GRIA4: variants seen among roughly 807,000 people sequenced by gnomAD.
The protein encoded by GRIA4 is glutamate receptor 4.
A neutral mutation model predicts 104.0 loss-of-function variants in GRIA4; 34 were observed. The ratio of observed to expected loss-of-function variants is 0.33; its 90% CI spans 0.25 to 0.44. The LOEUF (loss-of-function observed/expected upper bound fraction) is 0.44. Ranked by LOEUF, GRIA4 falls within the 20% of genes least tolerant of loss-of-function variation. The probability of loss-of-function intolerance (pLI) is 1.00; values close to 1 mark genes in which losing one functional copy is unlikely to be tolerated. For synonymous variants in GRIA4, 386 were observed against 381.9 expected (o/e 1.01, Z -0.13); for missense variants, 750 against 1,096.5 (o/e 0.68, Z 4.46).
Position 105,885,982 on chromosome 11 carries a change from G to A in GRIA4, c.673-1537G>A, listed in dbSNP as rs146251708. 2.5e-3 allele frequency among the ~76,000 whole-genome samples: 382 copies of A among 152,256 alleles called. 2 individuals carry two copies. The highest frequency in any genetic ancestry group is 8.6e-3 in the African/African-American group (358 of 41,532). ...GGCAATCAGCCCTCATAGTCAGGAA[G>A]TACAACAAATCCTAAACAATATGAA... On this transcript the variant is annotated intron_variant, in intron 5 of 16. Coordinates refer to ENST00000282499, the MANE Select transcript of GRIA4 (RefSeq NM_000829.4).
intron 3 of GRIA4, among the ~76,000 whole-genome samples, chr11:105,738,468 C>T (rs539427148): frequency 1.3e-5 from 2 of 152,232 alleles, no homozygotes; most frequent in South Asian, 2.1e-4. Flanking sequence ...GTGGTAAACA[C>T]ATACATTAAA....
chr11:105,643,904 A>G (rs1378212122), intron 3 of GRIA4, among the ~76,000 whole-genome samples: 1 of 152,124 alleles, frequency 6.6e-6, no homozygotes, highest in Non-Finnish European at 1.5e-5. Flanking sequence ...GTTTTAGTAG[A>G]GACAGGGTTT....
chr11:105,629,889 TATC>T (rs1415823364), intron 3 of GRIA4, among the ~76,000 whole-genome samples: 1 of 152,226 alleles, frequency 6.6e-6, no homozygotes, highest in Non-Finnish European at 1.5e-5. Flanking sequence ...GAACTAAAAT[TATC>T]ATCATTACAT....
intron 6 of GRIA4, among the ~76,000 whole-genome samples, chr11:105,892,272 G>T (rs1946484096): frequency 6.6e-6 from 1 of 152,034 alleles, no homozygotes; most frequent in Non-Finnish European, 1.5e-5. Context: ...TAGCAAAAAG[G>T]AACAGTTGAC....
intron 3 of GRIA4, among the ~76,000 whole-genome samples, chr11:105,679,555 C>T (rs1034747353): frequency 6.6e-6 from 1 of 151,956 alleles, no homozygotes; most frequent in Non-Finnish European, 1.5e-5. Flanking sequence ...ATGTAAAGTC[C>T]CTGGGTGATA....
intron 16 of GRIA4, among the ~76,000 whole-genome samples, chr11:105,977,776 T>C (rs1179402078): frequency 6.6e-6 from 1 of 152,058 alleles, no homozygotes; most frequent in African/African-American, 2.4e-5. Flanking sequence ...ATATGTACTT[T>C]AATATTGAGT....
intron 4 of GRIA4, among the ~76,000 whole-genome samples, chr11:105,835,519 C>T (rs1249970697): frequency 6.6e-6 from 1 of 151,912 alleles, no homozygotes; most frequent in Non-Finnish European, 1.5e-5. Context: ...CAGCCATGTA[C>T]ACCTAAGATC....
At chr11:105,905,068 T>C (rs1417788453) in intron 8 of GRIA4, 129 bp from the exon 9 acceptor site, 1 of 610,818 alleles carries the variant, frequency 1.6e-6, no homozygotes, top group Non-Finnish European at 2.9e-6. Flanking sequence ...AAATACCTAA[T>C]GGCATTTCAG....
At chr11:105,797,863 G>T (rs1219808562) in intron 4 of GRIA4, 2 of 448,148 alleles carry the variant, frequency 4.5e-6, no homozygotes, top group East Asian at 1.4e-4. Context: ...AGAGCTCAAT[G>T]TATTTAATTA....
At chr11:105,713,397 T>C (rs1953984195) in intron 3 of GRIA4, among the ~76,000 whole-genome samples, 1 of 151,956 alleles carries the variant, frequency 6.6e-6, no homozygotes, top group Non-Finnish European at 1.5e-5. Context: ...AAAAAAATTC[T>C]GAAATTCTGA....
chr11:105,956,085 T>C (rs1260499800), intron 14 of GRIA4, among the ~76,000 whole-genome samples: 1 of 152,160 alleles, frequency 6.6e-6, no homozygotes, highest in Non-Finnish European at 1.5e-5. Context: ...CTGTTCACCC[T>C]GGTGATAGTT....
At chr11:105,708,540 A>C (rs1298206971) in intron 3 of GRIA4, among the ~76,000 whole-genome samples, 1 of 152,260 alleles carries the variant, frequency 6.6e-6, no homozygotes, top group East Asian at 1.9e-4. Flanking sequence ...ATATGTTATT[A>C]GAGAAGAAAA....
At chr11:105,631,496 C>A (rs1951034822) in intron 3 of GRIA4, among the ~76,000 whole-genome samples, 1 of 152,140 alleles carries the variant, frequency 6.6e-6, no homozygotes, top group Non-Finnish European at 1.5e-5. Flanking sequence ...GAATCTGAAC[C>A]ACTCATATTG....
rs372663435 is a variant in GRIA4, at chr11:105,860,993, G to A, written c.488-1031G>A. Among the ~76,000 whole-genome samples the A allele has an allele frequency of 4.5e-4, 68 of 149,882 alleles. No individual in the cohort carries two copies. The East Asian group carries it at 0.013, about 29-fold the overall frequency. On this transcript the variant is annotated intron_variant, in intron 4 of 16. Transcript: ENST00000282499. The stretch of plus-strand genomic sequence containing the variant: ...AAAAAAAAAAGAGAGATGGAAAAAA[G>A]GCAGGACAATCAAGACAATATTGGC...
chr11:105,614,964 C>T (rs1950564603), intron 3 of GRIA4, among the ~76,000 whole-genome samples: 1 of 151,840 alleles, frequency 6.6e-6, no homozygotes, highest in African/African-American at 2.4e-5. Context: ...ATTTAATATT[C>T]TAGATAATTA....
intron 4 of GRIA4, among the ~76,000 whole-genome samples, chr11:105,761,808 A>G (rs535427891): frequency 6.6e-6 from 1 of 152,164 alleles, no homozygotes; most frequent in East Asian, 1.9e-4. Context: ...AGTGGGTCAG[A>G]TTTTGCCCAT....
intron 5 of GRIA4, among the ~76,000 whole-genome samples, chr11:105,883,868 G>A (rs1353731466): frequency 6.6e-6 from 1 of 152,090 alleles, no homozygotes; most frequent in Admixed American, 6.5e-5. Context: ...TTCTACAATG[G>A]TTGAACTAGT....
chr11:105,787,472 C>CTTTTTTTTTT (rs67901321), intron 4 of GRIA4, among the ~76,000 whole-genome samples: 1 of 98,622 alleles, frequency 1.0e-5, no homozygotes, highest in Non-Finnish European at 1.9e-5. Flanking sequence ...TAAAGAATTC[C>CTTTTTTTTTT]TTTTTTTTTT....
At chr11:105,857,793 T>C (rs1423727606) in intron 4 of GRIA4, among the ~76,000 whole-genome samples, 2 of 152,190 alleles carry the variant, frequency 1.3e-5, no homozygotes, top group Admixed American at 6.5e-5. Flanking sequence ...GGCATATGGA[T>C]AACTCTTTCT....
Sources: gnomAD v4.1 joint callset for allele counts (sites outside exome capture counted in the v4.1 genomes callset) on GRCh38, gnomAD v4.1.1 for gene constraint, MANE v1.5 for transcripts, NCBI Gene and HGNC (gene_info 2026-07-23, HGNC 2026-07-21) for gene names.